Variants in CAPN13 observed in about 807,000 individuals in gnomAD.
CAPN13 encodes the protein calpain 13, also known as calpain-13.
In CAPN13, 90 loss-of-function variants were observed where a neutral mutation model predicts 98.4. The observed-to-expected ratio is 0.92, with a 90% CI of 0.77 to 1.09. The LOEUF (loss-of-function observed/expected upper bound fraction) is 1.09, where lower values mean the gene tolerates loss of function less well. Among genes scored for constraint, CAPN13 ranks in the 50% least tolerant of loss-of-function variants. CAPN13 has a pLI of 0.00. For missense variants in CAPN13, 887 were observed against 841.3 expected (o/e 1.05, Z -0.67); for synonymous variants, 330 against 305.5 (o/e 1.08, Z -0.84).
At chr2:30,729,120 G>A (rs994157358) in intron 22 of CAPN13, among the ~76,000 whole-genome samples, 4 of 152,158 alleles carry the variant, frequency 2.6e-5, no homozygotes, top group African/African-American at 9.7e-5. Context: ...GGAAGAAGTG[G>A]GGAGATAGTT....
At chr2:30,724,005 A>G (rs929336485) in intron 22 of CAPN13, among the ~76,000 whole-genome samples, 12 of 152,182 alleles carry the variant, frequency 7.9e-5, no homozygotes, top group Non-Finnish European at 1.6e-4. Context: ...CCATATTTCT[A>G]GGTAATGTGC....
chr2:30,757,403 A>G (rs550565470), intron 8 of CAPN13, among the ~76,000 whole-genome samples: 1 of 152,324 alleles, frequency 6.6e-6, no homozygotes, highest in East Asian at 1.9e-4. Flanking sequence ...CCCCCATGGG[A>G]CATCTTAGCT....
At chr2:30,802,170 T>C (rs1572895079) in intron 1 of CAPN13, among the ~76,000 whole-genome samples, 1 of 150,946 alleles carries the variant, frequency 6.6e-6, no homozygotes, top group Non-Finnish European at 1.5e-5. Flanking sequence ...GGTTGGGGGG[T>C]GGCGGGGGTT....
In CAPN13 at chr2:30,787,357, C is replaced by T. The variant is rs550277115; in HGVS notation, c.-32G>A. ...CCTTAGAAGACTTCCGAGGTCCTTT[C>T]CTGTTGGTGAGAAAAAGGGATACCT... is the stretch of plus-strand genomic sequence containing the variant. On this transcript the variant is annotated splice_region_variant and 5_prime_UTR_variant, in exon 2 of 23. Transcript: ENST00000295055. The T allele has an allele frequency of 3.2e-6, 5 of 1,579,322 alleles. No homozygotes were observed. The African/African-American group carries it at 6.8e-5, about 21-fold the overall frequency.
In CAPN13 at chr2:30,741,668, C is replaced by G. The variant is rs1190056598; in HGVS notation, c.1536+240G>C. ...CTCACACCCCATAATTATCCCCTCC[C>G]TTTCTAAGCTCTGCATTCCAGCTTG... On this transcript the variant is annotated intron_variant, in intron 15 of 22. Transcript: ENST00000295055. 5.1e-6 allele frequency: 7 copies of G among 1,365,648 alleles called. No homozygotes were observed. The African/African-American group carries it at 1.0e-4, about 20-fold the overall frequency. 84.6% of individuals were successfully genotyped at this position (1,365,648 alleles called of 1,614,324 possible).
chr2:30,734,266 T>A (rs750294864), intron 19 of CAPN13, among the ~76,000 whole-genome samples, 183 bp downstream of exon 19: 1 of 152,136 alleles, frequency 6.6e-6, no homozygotes, highest in Admixed American at 6.5e-5. Context: ...ACAGGGCAAC[T>A]GTGTTTGAGT....
At chr2:30,807,072 T>C (rs1016973118) in intron 1 of CAPN13, among the ~76,000 whole-genome samples, 2 of 152,184 alleles carry the variant, frequency 1.3e-5, no homozygotes, top group Admixed American at 1.3e-4. Flanking sequence ...AAAGTTTGGA[T>C]TAGATTCTCT....
chr2:30,730,336 G>T (rs1671020658), intron 22 of CAPN13, among the ~76,000 whole-genome samples: 1 of 152,196 alleles, frequency 6.6e-6, no homozygotes, highest in African/African-American at 2.4e-5. Flanking sequence ...TGGTACAGCT[G>T]GGGCTAGAGC....
chr2:30,734,175 G>A (rs1264262712), intron 19 of CAPN13, among the ~76,000 whole-genome samples: 8 of 152,190 alleles, frequency 5.3e-5, no homozygotes, highest in African/African-American at 1.2e-4. Context: ...TATCAATCAC[G>A]CAACGGCTAT....
At chr2:30,745,106 G>A (rs1042692322) in intron 12 of CAPN13, 9 of 436,722 alleles carry the variant, frequency 2.1e-5, no homozygotes, top group African/African-American at 4.1e-5. Flanking sequence ...GTGGTCCCCA[G>A]GCAGATGCAC....
chr2:30,793,722 A>G (rs528192839), intron 1 of CAPN13, among the ~76,000 whole-genome samples: 2 of 152,050 alleles, frequency 1.3e-5, no homozygotes, highest in African/African-American at 2.4e-5. Context: ...ACTGGCAAAA[A>G]TATAGACAAA....
chr2:30,790,506 G>A (rs957448006), intron 1 of CAPN13, among the ~76,000 whole-genome samples: 4 of 152,158 alleles, frequency 2.6e-5, no homozygotes, highest in African/African-American at 7.2e-5. Context: ...CATCAGTCAA[G>A]CTCAGAATTA....
intron 7 of CAPN13, among the ~76,000 whole-genome samples, chr2:30,759,817 C>A (rs1672745118): frequency 6.6e-6 from 1 of 152,176 alleles, no homozygotes; most frequent in Admixed American, 6.5e-5. Flanking sequence ...TGACCTTGGC[C>A]TCGACTGTGA....
chr2:30,777,475 T>A lies in CAPN13; in HGVS notation c.271+92A>T, dbSNP rs969083730. ...CGGCAGCACCAAGGGAACTGGCCTT[T>A]CTCCCTCAGAAGTGGGGCAGGACTC... On this transcript the variant is annotated intron_variant, in intron 3 of 22. Transcript: ENST00000295055. 7 of 1,153,254 alleles carry A rather than the reference T, an allele frequency of 6.1e-6. No homozygotes were observed. The African/African-American group carries it at 1.1e-4, about 18-fold the overall frequency. The allele number at this position is 1,153,254 out of a possible 1,614,324, so 71.4% of individuals were successfully genotyped here.
intron 15 of CAPN13, among the ~76,000 whole-genome samples, chr2:30,738,885 ATGTG>A (rs140991906): frequency 1.3e-5 from 2 of 150,656 alleles, no homozygotes; most frequent in East Asian, 3.9e-4. Context: ...TGTTGTGTGT[ATGTG>A]TGTGTGTGTG....
At chr2:30,766,229 G>A (rs1050073130) in intron 5 of CAPN13, among the ~76,000 whole-genome samples, 4 of 152,220 alleles carry the variant, frequency 2.6e-5, no homozygotes, top group African/African-American at 9.7e-5. Context: ...GAAAAGCCGC[G>A]GTGGGGCCTG....
intron 4 of CAPN13, 98 bp from the exon 5 acceptor site, chr2:30,770,547 A>C (rs2148037241): frequency 7.1e-7 from 1 of 1,407,740 alleles, no homozygotes; most frequent in East Asian, 2.3e-5. Context: ...GACCTCTACA[A>C]TGCAATAATG....
At chr2:30,791,910 T>C (rs1365821996) in intron 1 of CAPN13, among the ~76,000 whole-genome samples, 4 of 152,330 alleles carry the variant, frequency 2.6e-5, no homozygotes, top group South Asian at 2.1e-4. Context: ...AAATAAATAG[T>C]TGTAAGAATA....
intron 2 of CAPN13, among the ~76,000 whole-genome samples, chr2:30,784,874 C>T (rs900373439): frequency 6.6e-6 from 1 of 152,172 alleles, no homozygotes; most frequent in Admixed American, 6.5e-5. Context: ...TAAAGCCAGG[C>T]CTGCCATGTG....
Sources: allele counts gnomAD v4.1 joint callset (sites outside exome capture counted in the v4.1 genomes callset), GRCh38; gene constraint gnomAD v4.1.1; transcripts MANE v1.5; gene names NCBI Gene and HGNC (gene_info 2026-07-23, HGNC 2026-07-21).